JMY: variants seen among roughly 807,000 people sequenced by gnomAD.
The protein encoded by JMY is junction mediating and regulatory protein, p53 cofactor.
In JMY, 46 loss-of-function variants were observed where a neutral mutation model predicts 103.3. That is an observed-to-expected ratio of 0.45 (90% confidence interval 0.35 to 0.57). The LOEUF (loss-of-function observed/expected upper bound fraction) is 0.57. Ranked by LOEUF, JMY falls within the 20% of genes least tolerant of loss-of-function variation. The pLI, the probability that JMY is intolerant of heterozygous loss-of-function variation, is 0.00. For missense variants in JMY, 1,238 were observed against 1,255.2 expected, an observed-to-expected ratio of 0.99 and a Z score of 0.21; for synonymous variants, 526 against 489.3, an observed-to-expected ratio of 1.07 and a Z score of -0.99.
chr5:79,258,311 G>GT (rs1491360478), intron 1 of JMY, among the ~76,000 whole-genome samples: 1,479 of 81,764 alleles, frequency 0.018, 64 homozygotes, highest in African/African-American at 0.044. Context: ...TTTTGTTTTT[G>GT]TTGTTTTTTT....
intron 7 of JMY, among the ~76,000 whole-genome samples, chr5:79,307,889 T>C (rs1197861752): frequency 6.6e-6 from 1 of 151,986 alleles, no homozygotes; most frequent in Non-Finnish European, 1.5e-5. Flanking sequence ...CAGACATGCA[T>C]CACCACGCCC....
At chr5:79,284,487 G>GT in intron 2 of JMY, 1 of 1,586,948 alleles carries the variant, frequency 6.3e-7, no homozygotes, top group Non-Finnish European at 8.6e-7. Flanking sequence ...TGATTGTTGC[G>GT]TTTTTTAGTA....
chr5:79,304,421 A>G (rs1746823392), intron 6 of JMY, among the ~76,000 whole-genome samples: 1 of 152,202 alleles, frequency 6.6e-6, no homozygotes, highest in African/African-American at 2.4e-5. Flanking sequence ...AAGATTGCAT[A>G]CACAGTTCAT....
At chr5:79,248,790 G>A (rs764864901) in intron 1 of JMY, among the ~76,000 whole-genome samples, 13 of 151,808 alleles carry the variant, frequency 8.6e-5, no homozygotes, top group Non-Finnish European at 1.9e-4. Context: ...GTCTTGTTCT[G>A]TCAGCGCAGG....
chr5:79,275,782 T>C (rs922913425), intron 1 of JMY, among the ~76,000 whole-genome samples: 1 of 152,208 alleles, frequency 6.6e-6, no homozygotes, highest in South Asian at 2.1e-4. Flanking sequence ...ATAGCTAATA[T>C]TTGTTTGGCA....
rs1436742480 is a variant in JMY, at chr5:79,236,901, C to T, written c.251C>T (p.Pro84Leu). ...ASDGSRGPGS[P>L]AGRGRPEATA... ...GACGGGAGCCGCGGGCCCGGCAGCC[C>T]GGCGGGCAGGGGTCGGCCCGAGGCC... The change falls in exon 1 of 11, where the codon CCG becomes CTG. Residue 84 changes from proline (P) to leucine (L), a missense_variant. Coordinates refer to ENST00000396137, the MANE Select transcript of JMY (RefSeq NM_152405.5). The T allele has an allele frequency of 2.9e-6, 4 of 1,358,030 alleles. No individual in the cohort carries two copies. The highest frequency in any genetic ancestry group is 2.8e-6 in the Non-Finnish European group (3 of 1,059,594). 84.1% of individuals were successfully genotyped at this position (1,358,030 alleles called of 1,614,324 possible).
chr5:79,248,396 T>G, intron 1 of JMY, among the ~76,000 whole-genome samples: 1 of 151,988 alleles, frequency 6.6e-6, no homozygotes, highest in East Asian at 1.9e-4. Flanking sequence ...AGCCTCTGCC[T>G]CCCAGGTGCA....
At position 79,237,963 on chromosome 5, in the gene JMY, C is replaced by T. The variant is rs182158198; in HGVS notation, c.1032+281C>T. Among the ~76,000 whole-genome samples, 292 of 152,220 alleles carry T rather than the reference C, an allele frequency of 1.9e-3. 3 individuals carry two copies. The highest frequency in any genetic ancestry group is 6.6e-3 in the African/African-American group (275 of 41,532). On this transcript the variant is annotated intron_variant, in intron 1 of 10. Coordinates refer to ENST00000396137, the MANE Select transcript of JMY (RefSeq NM_152405.5). ...AGTACTGGTAATGCGCAATTAAAGC[C>T]ACTAAGAAAAGTGTTCTGTAAGCAT...
intron 1 of JMY, among the ~76,000 whole-genome samples, chr5:79,258,564 G>A (rs1239687007): frequency 1.3e-5 from 2 of 152,152 alleles, no homozygotes; most frequent in African/African-American, 4.8e-5. Context: ...GTGTTAGTGA[G>A]CGTGGGGTCT....
intron 1 of JMY, among the ~76,000 whole-genome samples, chr5:79,259,804 G>A (rs1216223011): frequency 2.0e-5 from 3 of 152,212 alleles, no homozygotes; most frequent in South Asian, 2.1e-4. Flanking sequence ...AGACACCTCC[G>A]AGCCTGCAGG....
At chr5:79,256,141 C>T (rs1745236978) in intron 1 of JMY, among the ~76,000 whole-genome samples, 1 of 152,234 alleles carries the variant, frequency 6.6e-6, no homozygotes, top group African/African-American at 2.4e-5. Flanking sequence ...ACTCACACCA[C>T]TAGGTGGAGT....
intron 7 of JMY, among the ~76,000 whole-genome samples, chr5:79,311,303 G>A (rs190086511): frequency 1.0e-3 from 152 of 152,094 alleles, no homozygotes; most frequent in African/African-American, 3.4e-3. Context: ...CCAGTTTCCT[G>A]TTGTCTCCCT....
chr5:79,305,343 T>G (rs1746849461), intron 6 of JMY, among the ~76,000 whole-genome samples: 1 of 151,982 alleles, frequency 6.6e-6, no homozygotes, highest in South Asian at 2.1e-4. Context: ...TCCCAGCTGC[T>G]TGGGAGGCTG....
intron 4 of JMY, among the ~76,000 whole-genome samples, chr5:79,295,978 G>A (rs898935891): frequency 6.6e-5 from 10 of 152,162 alleles, no homozygotes; most frequent in Non-Finnish European, 1.5e-5. Context: ...TGTCCTTAGT[G>A]CTTTATGTGT....
intron 4 of JMY, among the ~76,000 whole-genome samples, chr5:79,291,764 C>T (rs1023920010): frequency 6.6e-6 from 1 of 152,170 alleles, no homozygotes; most frequent in Non-Finnish European, 1.5e-5. Context: ...CACCTCTGTA[C>T]CCGCTACAGT....
At chr5:79,314,960 T>C in intron 9 of JMY, 109 bp downstream of exon 9, 1 of 1,041,134 alleles carries the variant, frequency 9.6e-7, no homozygotes, top group South Asian at 1.9e-5. Flanking sequence ...TGACATTATT[T>C]GATAGTAAAC....
chr5:79,313,248 C>T (rs905463510), intron 8 of JMY, among the ~76,000 whole-genome samples: 9 of 152,140 alleles, frequency 5.9e-5, no homozygotes, highest in South Asian at 4.2e-4. Context: ...GGTAACATGG[C>T]GAAACCCTGT....
At chr5:79,296,257 T>G (rs1746558697) in intron 4 of JMY, among the ~76,000 whole-genome samples, 1 of 152,244 alleles carries the variant, frequency 6.6e-6, no homozygotes, top group South Asian at 2.1e-4. Context: ...TGGTTTGACA[T>G]TAAATTATGG....
chr5:79,249,495 G>T (rs376669855), intron 1 of JMY, among the ~76,000 whole-genome samples: 4 of 152,174 alleles, frequency 2.6e-5, no homozygotes, highest in Non-Finnish European at 5.9e-5. Context: ...CTTGGAGTTG[G>T]CTCTTGAGCA....
Sources: gnomAD v4.1 joint callset for allele counts (sites outside exome capture counted in the v4.1 genomes callset) on GRCh38, gnomAD v4.1.1 for gene constraint, MANE v1.5 for transcripts, NCBI Gene and HGNC (gene_info 2026-07-23, HGNC 2026-07-21) for gene names.